Variants in LRRC4C observed in about 807,000 individuals in gnomAD.
LRRC4C encodes leucine-rich repeat-containing protein 4C.
LRRC4C carries 5 observed loss-of-function variants against 33.6 expected under a neutral mutation model. The ratio of observed to expected loss-of-function variants is 0.15; its 90% CI spans 0.08 to 0.31. The LOEUF (loss-of-function observed/expected upper bound fraction) is 0.31, where lower values mean the gene tolerates loss of function less well. LRRC4C is among the 10% of genes least tolerant of loss of function. LRRC4C has a pLI of 1.00. For missense variants in LRRC4C, 560 were observed against 796.7 expected, an observed-to-expected ratio of 0.70 and a Z score of 3.58; for synonymous variants, 329 against 302.0, an observed-to-expected ratio of 1.09 and a Z score of -0.93.
intron 3 of LRRC4C, among the ~76,000 whole-genome samples, chr11:40,615,279 CAT>C (rs1961688226): frequency 2.6e-5 from 3 of 117,410 alleles, no homozygotes; most frequent in African/African-American, 1.1e-4. Context: ...CACACACACA[CAT>C]ATGTATATTC....
At chr11:40,954,936 C>G (rs979584787) in intron 1 of LRRC4C, among the ~76,000 whole-genome samples, 7 of 151,832 alleles carry the variant, frequency 4.6e-5, no homozygotes, top group African/African-American at 1.7e-4. Flanking sequence ...TGGACTCAGA[C>G]AACCCTGGGA....
intron 1 of LRRC4C, among the ~76,000 whole-genome samples, chr11:40,962,093 C>A (rs2136881272): frequency 6.6e-6 from 1 of 151,462 alleles, no homozygotes; most frequent in Non-Finnish European, 1.5e-5. Context: ...CCAGACCTGT[C>A]AATATGTTAG....
chr11:40,442,989 ACT>A (rs1033462509), intron 3 of LRRC4C, among the ~76,000 whole-genome samples: 10 of 151,970 alleles, frequency 6.6e-5, no homozygotes, highest in Non-Finnish European at 1.2e-4. Context: ...TGATTCAAAA[ACT>A]CTAATATATA....
At chr11:40,640,514 T>TA (rs1482723934) in intron 3 of LRRC4C, among the ~76,000 whole-genome samples, 8 of 148,694 alleles carry the variant, frequency 5.4e-5, no homozygotes, top group African/African-American at 1.8e-4. Flanking sequence ...TTTCTATATA[T>TA]TTTTTTTTAA....
chr11:40,276,376 G>A (rs16934667), intron 4 of LRRC4C, among the ~76,000 whole-genome samples: 9 of 151,978 alleles, frequency 5.9e-5, no homozygotes, highest in African/African-American at 1.7e-4. Flanking sequence ...AGCTCCAGTC[G>A]TCTTCCATTT....
At chr11:41,251,891 A>G (rs76942118) in intron 1 of LRRC4C, among the ~76,000 whole-genome samples, 2,870 of 152,316 alleles carry the variant, frequency 0.019, 91 homozygotes, top group African/African-American at 0.066. Flanking sequence ...AAGCTATATA[A>G]GCATTATATT....
At chr11:41,370,662 G>T (rs867501480) in intron 1 of LRRC4C, among the ~76,000 whole-genome samples, 1 of 151,906 alleles carries the variant, frequency 6.6e-6, no homozygotes, top group Non-Finnish European at 1.5e-5. Context: ...CCCAGTCTTG[G>T]GTATGTCTTT....
intron 3 of LRRC4C, among the ~76,000 whole-genome samples, chr11:40,562,238 A>G (rs530082765): frequency 1.3e-5 from 2 of 152,366 alleles, no homozygotes; most frequent in African/African-American, 4.8e-5. Context: ...TTATTTGATT[A>G]TCAACATGAA....
intron 1 of LRRC4C, among the ~76,000 whole-genome samples, chr11:41,250,359 T>C (rs1591063213): frequency 6.6e-6 from 1 of 152,192 alleles, no homozygotes; most frequent in East Asian, 1.9e-4. Flanking sequence ...GTTTCTTGAC[T>C]TTCAAAATAT....
rs114242885 is a variant in LRRC4C, at chr11:40,415,374, G to A, written c.-269-95653C>T. ...AAATTGTGTTTTGTAAGTGACATGCGGTGGTGCAATGGAACACGTGCATGG... is the reference window on the plus strand; with the variant it reads ...AAATTGTGTTTTGTAAGTGACATGCAGTGGTGCAATGGAACACGTGCATGG... On this transcript the variant is annotated intron_variant, in intron 3 of 6. Transcript: ENST00000528697. 3.8e-3 allele frequency among the ~76,000 whole-genome samples: 585 copies of A among 152,132 alleles called. 1 individual carries two copies. Among genetic ancestry groups the A allele is most frequent in the African/African-American group, 0.013 (545 of 41,504 alleles).
chr11:41,217,538 G>A (rs1367357745), intron 1 of LRRC4C, among the ~76,000 whole-genome samples: 1 of 152,142 alleles, frequency 6.6e-6, no homozygotes, highest in Non-Finnish European at 1.5e-5. Flanking sequence ...TTTAAAAATG[G>A]TGTGGTCCTT....
At chr11:41,395,647 G>A (rs773808969) in intron 1 of LRRC4C, among the ~76,000 whole-genome samples, 3 of 151,836 alleles carry the variant, frequency 2.0e-5, no homozygotes, top group Admixed American at 6.6e-5. Flanking sequence ...CAAGATCAAG[G>A]AATTGCAAGT....
chr11:41,243,007 G>GA, intron 1 of LRRC4C, among the ~76,000 whole-genome samples: 1 of 152,140 alleles, frequency 6.6e-6, no homozygotes, highest in East Asian at 1.9e-4. Flanking sequence ...CCCTGTTTTT[G>GA]AAAAATAAAA....
intron 3 of LRRC4C, among the ~76,000 whole-genome samples, chr11:40,361,503 G>A (rs151035745): frequency 3.9e-5 from 6 of 152,244 alleles, no homozygotes; most frequent in East Asian, 3.9e-4. Context: ...AAGTAATTGC[G>A]GTTTTTGCCA....
chr11:41,305,568 C>T lies in LRRC4C; in HGVS notation c.-496+153863G>A, dbSNP rs1371962398. On this transcript the variant is annotated intron_variant, in intron 1 of 6. Coordinates refer to ENST00000528697, the MANE Select transcript of LRRC4C (RefSeq NM_001258419.2). ...ATTTTGTTCTGCACTAAGAAAAATTCCTCTGCCTTGGGATCCTGTTGATCT... is the reference window on the plus strand; with the variant it reads ...ATTTTGTTCTGCACTAAGAAAAATTTCTCTGCCTTGGGATCCTGTTGATCT... Among the ~76,000 whole-genome samples, 3 of 55,460 alleles carry T rather than the reference C, an allele frequency of 5.4e-5. 1 individual carries two copies. Among genetic ancestry groups the T allele is most frequent in the Non-Finnish European group, 9.6e-5 (2 of 20,934 alleles). 36.4% of individuals were successfully genotyped at this position (55,460 alleles called of 152,430 possible). A position where few individuals can be genotyped will look rare whatever the true frequency, so the allele number is the denominator to read the frequency against.
intron 1 of LRRC4C, among the ~76,000 whole-genome samples, chr11:40,993,033 T>C (rs565580768): frequency 7.2e-4 from 110 of 152,300 alleles, no homozygotes; most frequent in African/African-American, 2.5e-3. Context: ...TTGAATGAAA[T>C]TTAACACACT....
chr11:40,473,521 C>A (rs1476929497), intron 3 of LRRC4C, among the ~76,000 whole-genome samples: 2 of 152,110 alleles, frequency 1.3e-5, no homozygotes, highest in Admixed American at 6.6e-5. Flanking sequence ...AAACTGGAAG[C>A]ATTCCCTTTG....
intron 1 of LRRC4C, among the ~76,000 whole-genome samples, chr11:41,058,962 C>G (rs1858844946): frequency 6.6e-6 from 1 of 152,028 alleles, no homozygotes; most frequent in African/African-American, 2.4e-5. Context: ...GAATGGAAAA[C>G]CAAATACTGC....
chr11:40,803,111 C>T (rs1440432881), intron 2 of LRRC4C, among the ~76,000 whole-genome samples: 2 of 152,110 alleles, frequency 1.3e-5, no homozygotes, highest in Admixed American at 6.6e-5. Context: ...GGCAAGCTAC[C>T]AGTTAAGTAC....
Sources: allele counts gnomAD v4.1 joint callset (sites outside exome capture counted in the v4.1 genomes callset), GRCh38; gene constraint gnomAD v4.1.1; transcripts MANE v1.5; gene names NCBI Gene and HGNC (gene_info 2026-07-23, HGNC 2026-07-21).